Variants in SYNE1 observed in about 807,000 individuals in gnomAD.
SYNE1 encodes spectrin repeat containing nuclear envelope protein 1.
Under a neutral mutation model 1,111.0 loss-of-function variants are expected in SYNE1, and 616 were observed. The ratio of observed to expected loss-of-function variants is 0.55; its 90% CI spans 0.52 to 0.59. The LOEUF is 0.59. Ranked by LOEUF, SYNE1 falls within the 20% of genes least tolerant of loss-of-function variation. SYNE1 has a pLI of 0.00. For synonymous variants in SYNE1, 3,855 were observed against 3,825.8 expected (o/e 1.01, Z -0.28); for missense variants, 10,006 against 10,417.0 (o/e 0.96, Z 1.72).
chr6:152,251,738 G>A (rs374362112), intron 104 of SYNE1, among the ~76,000 whole-genome samples: 8 of 151,808 alleles, frequency 5.3e-5, no homozygotes, highest in South Asian at 2.1e-4. Flanking sequence ...CAGCCTGGGT[G>A]ACAGAGCGAG....
chr6:152,424,794 AT>A (rs1471393258), intron 39 of SYNE1, among the ~76,000 whole-genome samples: 1 of 152,242 alleles, frequency 6.6e-6, no homozygotes, highest in Non-Finnish European at 1.5e-5. Context: ...TGCTGAATGA[AT>A]TAATTTTTTA....
intron 141 of SYNE1, among the ~76,000 whole-genome samples, chr6:152,135,473 T>TA (rs1175376466): frequency 1.3e-5 from 2 of 152,178 alleles, no homozygotes; most frequent in Non-Finnish European, 2.9e-5. Context: ...GGCATCAACA[T>TA]ACGTTATTTC....
At chr6:152,488,295 C>T in intron 12 of SYNE1, 101 bp downstream of exon 12, 1 of 657,130 alleles carries the variant, frequency 1.5e-6, no homozygotes, top group Non-Finnish European at 2.7e-6. Flanking sequence ...AGACTTTTCT[C>T]ATTAATGTAA....
At chr6:152,334,390 C>T (rs2096329554) in intron 76 of SYNE1, 117 bp from the exon 77 acceptor site, 2 of 1,132,342 alleles carry the variant, frequency 1.8e-6, no homozygotes, top group East Asian at 2.5e-5. Context: ...ATGAAAAAAA[C>T]TGAAGAATGT....
chr6:152,575,686 T>C (rs762395846), intron 3 of SYNE1, among the ~76,000 whole-genome samples: 7 of 152,232 alleles, frequency 4.6e-5, no homozygotes, highest in Non-Finnish European at 1.0e-4. Context: ...TTACTAGCTA[T>C]GCAACCTTGA....
chr6:152,568,567 T>C (rs894271140), intron 3 of SYNE1, among the ~76,000 whole-genome samples: 2 of 152,164 alleles, frequency 1.3e-5, no homozygotes, highest in Non-Finnish European at 2.9e-5. Context: ...GCTCCCGAAG[T>C]GCTGGGATTA....
chr6:152,614,665 T>TA (rs1667634174), intron 3 of SYNE1, among the ~76,000 whole-genome samples: 2 of 152,296 alleles, frequency 1.3e-5, no homozygotes, highest in South Asian at 4.1e-4. Flanking sequence ...ATCATGCTAC[T>TA]ATAAGGACAC....
At chr6:152,443,949 G>A (rs925765095) in intron 30 of SYNE1, among the ~76,000 whole-genome samples, 4 of 152,110 alleles carry the variant, frequency 2.6e-5, no homozygotes, top group African/African-American at 9.7e-5. Flanking sequence ...ACTCCAGGAA[G>A]GTCTAGTACT....
At chr6:152,370,837 G>T (rs2097167382) in intron 59 of SYNE1, among the ~76,000 whole-genome samples, 1 of 152,208 alleles carries the variant, frequency 6.6e-6, no homozygotes, top group Admixed American at 6.5e-5. Context: ...TCTGGTCTGG[G>T]TCGTCTACAA....
intron 47 of SYNE1, 81 bp downstream of exon 47, chr6:152,401,057 A>G (rs2097805959): frequency 7.1e-7 from 1 of 1,406,266 alleles, no homozygotes; most frequent in South Asian, 1.2e-5. Context: ...AGCAGAGGTT[A>G]TATTTTTTAT....
intron 40 of SYNE1, among the ~76,000 whole-genome samples, chr6:152,418,954 CT>C (rs1431886096): frequency 1.3e-5 from 2 of 152,174 alleles, no homozygotes; most frequent in African/African-American, 2.4e-5. Flanking sequence ...CTATTTCTTT[CT>C]GTATAACATA....
chr6:152,623,605 T>G (rs1198600964), intron 3 of SYNE1, among the ~76,000 whole-genome samples: 1 of 152,068 alleles, frequency 6.6e-6, no homozygotes, highest in Non-Finnish European at 1.5e-5. Context: ...TGGGAGAAAA[T>G]TTTTGCAAAC....
intron 131 of SYNE1, among the ~76,000 whole-genome samples, chr6:152,158,894 T>C (rs959390091): frequency 2.0e-5 from 3 of 152,194 alleles, no homozygotes; most frequent in Non-Finnish European, 4.4e-5. Context: ...ACCCTAAGAT[T>C]TGAGGGGATT....
At chr6:152,425,861 A>G (rs975529337) in intron 38 of SYNE1, among the ~76,000 whole-genome samples, 3 of 152,366 alleles carry the variant, frequency 2.0e-5, no homozygotes. Context: ...GTTCTAAGTT[A>G]GGCAAATCTA....
intron 74 of SYNE1, among the ~76,000 whole-genome samples, chr6:152,342,965 T>A (rs1432547934): frequency 6.6e-6 from 1 of 152,168 alleles, no homozygotes; most frequent in Non-Finnish European, 1.5e-5. Context: ...ATCACGTTTA[T>A]CTGTAGTGTG....
At chr6:152,213,588 C>G (rs750807272) in intron 123 of SYNE1, 24 bp downstream of exon 123, 1 of 1,613,760 alleles carries the variant, frequency 6.2e-7, no homozygotes. Flanking sequence ...TCTTATTACC[C>G]CCAAATCTAC....
At chr6:152,285,509 C>T (rs2094281168) in intron 95 of SYNE1, among the ~76,000 whole-genome samples, 2 of 152,152 alleles carry the variant, frequency 1.3e-5, no homozygotes, top group South Asian at 4.1e-4. Context: ...CTTGTTACTA[C>T]ACTCGTGTAG....
At chr6:152,533,677 T>A (rs1052162680) in intron 4 of SYNE1, among the ~76,000 whole-genome samples, 49 of 152,256 alleles carry the variant, frequency 3.2e-4, no homozygotes, top group African/African-American at 1.1e-3. Flanking sequence ...TTCTCTTCAG[T>A]CTACGTTCAG....
rs149314078 is a variant in SYNE1, at chr6:152,284,792, A to G, written c.18013-620T>C. Among the ~76,000 whole-genome samples, 8 of 151,956 alleles carry G rather than the reference A, an allele frequency of 5.3e-5. No individual in the cohort carries two copies. In the East Asian group the frequency reaches 1.6e-3, roughly 30 times the overall value. ...TACAACGTTGAAAATAAAATGTATT[A>G]CTTTCTTCCTCAACATGATTTTCCC... On this transcript the variant is annotated intron_variant, in intron 95 of 145. Coordinates refer to ENST00000367255, the MANE Select transcript of SYNE1 (RefSeq NM_182961.4).
Sources: allele counts gnomAD v4.1 joint callset (sites outside exome capture counted in the v4.1 genomes callset), GRCh38; gene constraint gnomAD v4.1.1; transcripts MANE v1.5; gene names NCBI Gene and HGNC (gene_info 2026-07-23, HGNC 2026-07-21).